Variants in ACOT7 observed in about 807,000 individuals in gnomAD.
The protein encoded by ACOT7 is acyl-CoA thioesterase 7, also known as cytosolic acyl coenzyme A thioester hydrolase.
ACOT7 carries 12 observed loss-of-function variants against 40.2 expected under a neutral mutation model. The observed-to-expected ratio is 0.30, with a 90% CI of 0.19 to 0.48. The LOEUF is 0.48. Among genes scored for constraint, ACOT7 ranks in the 20% least tolerant of loss-of-function variants. The pLI, the probability that ACOT7 is intolerant of heterozygous loss-of-function variation, is 0.99. For synonymous variants in ACOT7, 228 were observed against 219.5 expected, an observed-to-expected ratio of 1.04 and a Z score of -0.34; for missense variants, 395 against 530.8, an observed-to-expected ratio of 0.74 and a Z score of 2.51.
chr1:6,337,118 G>A (rs1292835232), intron 3 of ACOT7, among the ~76,000 whole-genome samples: 1 of 152,244 alleles, frequency 6.6e-6, no homozygotes, highest in African/African-American at 2.4e-5. Flanking sequence ...TCACGCGCAC[G>A]ACAGCGCAAT....
intron 8 of ACOT7, among the ~76,000 whole-genome samples, chr1:6,266,071 C>A (rs548046256): frequency 5.9e-5 from 9 of 152,194 alleles, no homozygotes; most frequent in African/African-American, 2.2e-4. Context: ...CTCCTTGCAG[C>A]GGTCCTGGTC....
Position 6,301,377 on chromosome 1 carries a change from G to T in ACOT7, c.713-6397C>A, listed in dbSNP as rs17029372. ...AAGGGACCTCATGTTACTGAAAACC[G>T]CTCAGGATCCAAAGCACGTGACAGT... is the stretch of plus-strand genomic sequence containing the variant. On this transcript the variant is annotated intron_variant, in intron 6 of 8. Coordinates refer to ENST00000361521, the MANE Select transcript of ACOT7 (RefSeq NM_007274.4). The surrounding 1 kb of genome is among the most constrained non-coding windows in gnomAD (Gnocchi z 4.1). 0.34 allele frequency among the ~76,000 whole-genome samples: 52,359 copies of T among 152,070 alleles called. 13,512 individuals carry two copies. Among genetic ancestry groups the T allele is most frequent in the African/African-American group, 0.73 (30,471 of 41,458 alleles).
intron 5 of ACOT7, among the ~76,000 whole-genome samples, chr1:6,322,984 G>A (rs1026565542): frequency 6.6e-6 from 1 of 152,106 alleles, no homozygotes; most frequent in East Asian, 1.9e-4. Context: ...ACAAAAATTA[G>A]CCAGGCATGG....
chr1:6,277,261 C>G (rs141616203), intron 8 of ACOT7, among the ~76,000 whole-genome samples: 20 of 152,344 alleles, frequency 1.3e-4, no homozygotes, highest in Non-Finnish European at 2.5e-4. Context: ...TGCAGTGGTC[C>G]TGACCCCACA....
intron 5 of ACOT7, among the ~76,000 whole-genome samples, chr1:6,322,778 A>G (rs543634891): frequency 4.6e-5 from 7 of 152,298 alleles, no homozygotes; most frequent in Non-Finnish European, 8.8e-5. Context: ...GGACCTCAAC[A>G]TATGATTTGT....
At chr1:6,295,061 G>A (rs1481836460) in intron 6 of ACOT7, 81 bp from the exon 7 acceptor site, 25 of 1,137,538 alleles carry the variant, frequency 2.2e-5, no homozygotes, top group Middle Eastern at 2.0e-4. Context: ...GTTACAACTC[G>A]AGCCCTCCCC....
intron 6 of ACOT7, among the ~76,000 whole-genome samples, chr1:6,314,084 G>A (rs1216209619): frequency 6.6e-6 from 1 of 152,222 alleles, no homozygotes; most frequent in Non-Finnish European, 1.5e-5. Context: ...GAACATGGCA[G>A]GGAACAGTTC....
intron 6 of ACOT7, among the ~76,000 whole-genome samples, chr1:6,305,571 C>T (rs1393351701): frequency 2.0e-5 from 3 of 150,014 alleles, no homozygotes; most frequent in East Asian, 4.0e-4. Context: ...CGGGCAGAGA[C>T]GCTCCTCACA....
At chr1:6,267,000 GA>G (rs1638871171) in intron 8 of ACOT7, among the ~76,000 whole-genome samples, 2 of 152,364 alleles carry the variant, frequency 1.3e-5, no homozygotes, top group East Asian at 1.9e-4. Flanking sequence ...CTCCCAGTCT[GA>G]AAGCCTGGCC....
chr1:6,380,713 C>CAAA (rs61258408), intron 1 of ACOT7, among the ~76,000 whole-genome samples: 5,464 of 105,786 alleles, frequency 0.052, 230 homozygotes, highest in African/African-American at 0.11. Context: ...ATAGCATATA[C>CAAA]AAAAAAAAAA....
Position 6,306,390 on chromosome 1 carries a change from G to A in ACOT7, c.713-11410C>T, listed in dbSNP as rs889840277. ...GTGGGCAGGACAAAGTGAGTTCCTG[G>A]GACAGGTGCCTATAGGATGCTTGGA... On this transcript the variant is annotated intron_variant, in intron 6 of 8. Coordinates refer to ENST00000361521, the MANE Select transcript of ACOT7 (RefSeq NM_007274.4). This position sits in a 1 kb window ranked among gnomAD's most constrained non-coding sequence, Gnocchi z 4.3. 1 of 985,212 alleles carries A rather than the reference G, an allele frequency of 1.0e-6. No homozygotes were observed. The highest frequency in any genetic ancestry group is 1.1e-4 in the East Asian group (1 of 8,826). The allele number at this position is 985,212 out of a possible 1,614,324, so 61.0% of individuals were successfully genotyped here.
intron 1 of ACOT7, among the ~76,000 whole-genome samples, chr1:6,380,269 T>C (rs1642309819): frequency 6.6e-6 from 1 of 151,370 alleles, no homozygotes; most frequent in Non-Finnish European, 1.5e-5. Context: ...TAAACTCAAA[T>C]GATATATATG....
At position 6,282,842 on chromosome 1, in the gene ACOT7, G is replaced by A. The variant is rs986356263; in HGVS notation, c.830-1556C>T. ...TGCAAAGCGCCCGCAGTCACAAGAC[G>A]CACCCCGGGAGGAGGGCAGGCCATG... is the stretch of plus-strand genomic sequence containing the variant. On this transcript the variant is annotated intron_variant, in intron 7 of 8. Coordinates refer to ENST00000361521, the MANE Select transcript of ACOT7 (RefSeq NM_007274.4). This position sits in a 1 kb window ranked among gnomAD's most constrained non-coding sequence, Gnocchi z 4.5. 5 of 1,278,764 alleles carry A rather than the reference G, an allele frequency of 3.9e-6. No homozygotes were observed. Among genetic ancestry groups the A allele is most frequent in the African/African-American group, 1.5e-5 (1 of 65,324 alleles). The allele number at this position is 1,278,764 out of a possible 1,614,324, so 79.2% of individuals were successfully genotyped here.
intron 3 of ACOT7, among the ~76,000 whole-genome samples, chr1:6,339,147 C>G (rs773084673): frequency 6.6e-6 from 1 of 151,900 alleles, no homozygotes; most frequent in Non-Finnish European, 1.5e-5. Context: ...GAGCTGGCCA[C>G]GGGCAGCAGG....
intron 1 of ACOT7, among the ~76,000 whole-genome samples, chr1:6,351,808 G>C (rs3789475): frequency 0.05 from 7,687 of 152,326 alleles, 278 homozygotes; most frequent in East Asian, 0.12. Context: ...GAGAGAAGAC[G>C]CGGGCCAAGG....
rs546719823 is a variant in ACOT7 at position 6,364,615 on chromosome 1, C to T, written c.144-14749G>A. ...CTGTAATCCCAGCACTTTGGGAGGC[C>T]GAGGTGGGCAGATCACGAGGTCAAG... On this transcript the variant is annotated intron_variant, in intron 1 of 8. Transcript: ENST00000361521. Among the ~76,000 whole-genome samples the T allele has an allele frequency of 2.9e-3, 433 of 151,184 alleles. 3 individuals are homozygous for T. The highest frequency in any genetic ancestry group is 9.9e-3 in the African/African-American group (408 of 41,138).
At chr1:6,365,871 C>T (rs1641999736) in intron 1 of ACOT7, among the ~76,000 whole-genome samples, 1 of 151,714 alleles carries the variant, frequency 6.6e-6, no homozygotes, top group South Asian at 2.1e-4. Context: ...ATGTTGATGG[C>T]TGCAGACTGA....
At chr1:6,334,105 C>T (rs1039424377) in intron 3 of ACOT7, among the ~76,000 whole-genome samples, 3 of 152,184 alleles carry the variant, frequency 2.0e-5, no homozygotes, top group African/African-American at 4.8e-5. Flanking sequence ...AGGCTCCCAA[C>T]GAGCCTCCCA....
In ACOT7 at chr1:6,289,058, G is replaced by C. The variant is rs1639591929; in HGVS notation, c.829+5806C>G. Among the ~76,000 whole-genome samples, 1 of 152,130 alleles carries C rather than the reference G, an allele frequency of 6.6e-6. No homozygotes were observed. Among genetic ancestry groups the C allele is most frequent in the Non-Finnish European group, 1.5e-5 (1 of 68,026 alleles). ...TAAATCTGGAGAAGCCACCCCACAG[G>C]TCTGGCGTCTCCATTCCGCATTCCC... On this transcript the variant is annotated intron_variant, in intron 7 of 8. Coordinates refer to ENST00000361521, the MANE Select transcript of ACOT7 (RefSeq NM_007274.4). The surrounding 1 kb of genome is among the most constrained non-coding windows in gnomAD (Gnocchi z 4.6).
Sources: allele counts gnomAD v4.1 joint callset (sites outside exome capture counted in the v4.1 genomes callset), GRCh38; gene constraint gnomAD v4.1.1; non-coding constraint Gnocchi (gnomAD v3.1); transcripts MANE v1.5; gene names NCBI Gene and HGNC (gene_info 2026-07-23, HGNC 2026-07-21).